GOLGA8B: variants seen among roughly 807,000 people sequenced by gnomAD.
The protein encoded by GOLGA8B is golgin subfamily A member 8B.
A neutral mutation model predicts 15.6 loss-of-function variants in GOLGA8B; 1 was observed. The observed-to-expected ratio is 0.06, with a 90% confidence interval of 0.02 to 0.30. The LOEUF is 0.30. Ranked by LOEUF, GOLGA8B falls within the 10% of genes least tolerant of loss-of-function variation. The pLI is 1.00. For missense variants in GOLGA8B, 17 were observed against 201.3 expected, an observed-to-expected ratio of 0.08 and a Z score of 5.54; for synonymous variants, 9 against 80.3, an observed-to-expected ratio of 0.11 and a Z score of 4.75.
At chr15:34,578,014 C>T (rs1022087832) in intron 1 of GOLGA8B, among the ~76,000 whole-genome samples, 28 of 152,124 alleles carry the variant, frequency 1.8e-4, no homozygotes, top group African/African-American at 6.3e-4. Context: ...CTGTCATATA[C>T]GCTATCACTC....
intron 1 of GOLGA8B, among the ~76,000 whole-genome samples, chr15:34,578,637 G>C (rs1889146047): frequency 6.6e-6 from 1 of 152,200 alleles, no homozygotes; most frequent in South Asian, 2.1e-4. Flanking sequence ...TTCTGGATTT[G>C]TAGGGAAATT....
intron 1 of GOLGA8B, among the ~76,000 whole-genome samples, chr15:34,574,303 C>CTT (rs112808701): frequency 3.5e-5 from 5 of 144,442 alleles, no homozygotes; most frequent in Admixed American, 6.9e-5. Context: ...TCAAATCAGA[C>CTT]TTTTTTTTTT....
chr15:34,575,766 C>T (rs1889058694), intron 1 of GOLGA8B, among the ~76,000 whole-genome samples: 1 of 152,080 alleles, frequency 6.6e-6, no homozygotes, highest in African/African-American at 2.4e-5. Flanking sequence ...TTGTGCCTCT[C>T]TAGGAGGGCC....
intron 1 of GOLGA8B, among the ~76,000 whole-genome samples, chr15:34,554,315 T>A (rs75092171): frequency 5.3e-5 from 8 of 152,290 alleles, no homozygotes; most frequent in Non-Finnish European, 1.2e-4. Flanking sequence ...AGGCTGCCGG[T>A]CTGCCTGTCA....
At position 34,573,453 on chromosome 15, in the gene GOLGA8B, C is replaced by T. The variant is rs540788481; in HGVS notation, c.-1123+10063G>A. Among the ~76,000 whole-genome samples, 476 of 144,932 alleles carry T rather than the reference C, an allele frequency of 3.3e-3. 2 individuals carry two copies. The highest frequency in any genetic ancestry group is 5.5e-3 in the Non-Finnish European group (371 of 67,036). ...TCGGGAGGCTGAGGAAGGAGAATGGCGTGAACCCAGGAGGTGGAGCTTACA... is the reference window on the plus strand; with the variant it reads ...TCGGGAGGCTGAGGAAGGAGAATGGTGTGAACCCAGGAGGTGGAGCTTACA... On this transcript the variant is annotated intron_variant, in intron 1 of 23. Transcript: ENST00000683415.
chr15:34,564,355 T>TTAA (rs530527773), intron 1 of GOLGA8B, among the ~76,000 whole-genome samples: 1,401 of 105,472 alleles, frequency 0.013, 14 homozygotes, highest in Middle Eastern at 0.023. Context: ...TGTAGATTCT[T>TTAA]AAAAAAAAAA....
At chr15:34,583,279 GC>G (rs1889298202) in intron 1 of GOLGA8B, among the ~76,000 whole-genome samples, 1 of 151,960 alleles carries the variant, frequency 6.6e-6, no homozygotes, top group Non-Finnish European at 1.5e-5. Context: ...CGCCGCACCC[GC>G]CCGCCTGTCG....
At position 34,571,612 on chromosome 15, in the gene GOLGA8B, G is replaced by C. The variant is rs2433264; in HGVS notation, c.-1123+11904C>G. Among the ~76,000 whole-genome samples, 1,017 of 118,082 alleles carry C rather than the reference G, an allele frequency of 8.6e-3. 11 individuals carry two copies. The highest frequency in any genetic ancestry group is 0.023 in the African/African-American group (808 of 34,580). 77.5% of individuals were successfully genotyped at this position (118,082 alleles called of 152,430 possible). ...CTGACTAGGAAATTAGGTTGGAATCGTATAAAAAAAAAAAAAACTACATCC... is the reference window on the plus strand; with the variant it reads ...CTGACTAGGAAATTAGGTTGGAATCCTATAAAAAAAAAAAAAACTACATCC... On this transcript the variant is annotated intron_variant, in intron 1 of 23. Coordinates refer to ENST00000683415, the MANE Select transcript of GOLGA8B (RefSeq NM_001023567.5).
At chr15:34,576,812 T>C (rs552547347) in intron 1 of GOLGA8B, among the ~76,000 whole-genome samples, 25 of 152,254 alleles carry the variant, frequency 1.6e-4, no homozygotes, top group African/African-American at 5.5e-4. Context: ...CCAGCCAGAA[T>C]CAGTTAGAGG....
chr15:34,569,330 C>T (rs575863210), intron 1 of GOLGA8B, among the ~76,000 whole-genome samples: 2 of 151,168 alleles, frequency 1.3e-5, no homozygotes, highest in African/African-American at 2.4e-5. Flanking sequence ...CTTGGACCCA[C>T]GCCTCCCGGT....
At chr15:34,567,493 G>A (rs1386047007) in intron 1 of GOLGA8B, among the ~76,000 whole-genome samples, 1 of 151,724 alleles carries the variant, frequency 6.6e-6, no homozygotes. Flanking sequence ...TCCATTAAAC[G>A]AGAAGAAAAT....
intron 1 of GOLGA8B, among the ~76,000 whole-genome samples, chr15:34,573,648 T>C (rs1423882290): frequency 6.6e-6 from 1 of 151,908 alleles, no homozygotes; most frequent in African/African-American, 2.4e-5. Flanking sequence ...TAAAGTCCAA[T>C]TGTGGGGAAT....
intron 7 of GOLGA8B, among the ~76,000 whole-genome samples, chr15:34,543,124 T>C (rs1361275902): frequency 3.9e-5 from 4 of 102,888 alleles, no homozygotes; most frequent in Non-Finnish European, 7.8e-5. Flanking sequence ...TAATCCTTTC[T>C]TCTGGTGTCT....
intron 1 of GOLGA8B, chr15:34,566,434 G>A (rs1233251007): frequency 6.9e-6 from 1 of 143,994 alleles, no homozygotes; most frequent in Non-Finnish European, 1.6e-5. Context: ...CTCACCAGCC[G>A]ATTCTCCCAG....
Position 34,526,194 on chromosome 15 carries a change from A to G in GOLGA8B, c.*1438T>C, listed in dbSNP as rs927305764. The stretch of plus-strand genomic sequence containing the variant: ...AATACAACTCTGCGATCGTATAGAC[A>G]TGTTTCCTGATAATACATTGACATT... On this transcript the variant is annotated 3_prime_UTR_variant, in exon 24 of 24. Coordinates refer to ENST00000683415, the MANE Select transcript of GOLGA8B (RefSeq NM_001023567.5). 1 of 149,988 alleles carries G rather than the reference A, an allele frequency of 6.7e-6. No individual in the cohort carries two copies. Among genetic ancestry groups the G allele is most frequent in the African/African-American group, 2.5e-5 (1 of 40,582 alleles). The allele number at this position is 149,988 out of a possible 1,614,324, so 9.3% of individuals were successfully genotyped here. A position where few individuals can be genotyped will look rare whatever the true frequency, so the allele number is the denominator to read the frequency against.
intron 1 of GOLGA8B, among the ~76,000 whole-genome samples, chr15:34,575,997 G>A (rs191998552): frequency 4.2e-4 from 64 of 152,330 alleles, no homozygotes; most frequent in Admixed American, 1.0e-3. Context: ...ACCTGCTCCC[G>A]GTTGTACCAC....
chr15:34,543,539 T>C (rs2071936984), intron 7 of GOLGA8B, among the ~76,000 whole-genome samples: 1 of 104,782 alleles, frequency 9.5e-6, no homozygotes, highest in African/African-American at 4.4e-5. Flanking sequence ...TTCTATTTCA[T>C]CCATTTTCCT....
chr15:34,551,534 CATTT>C (rs1229202461), intron 3 of GOLGA8B, among the ~76,000 whole-genome samples: 9 of 56,296 alleles, frequency 1.6e-4, no homozygotes, highest in Admixed American at 1.2e-3. Context: ...AATAAGCCAT[CATTT>C]ATTTATTTAC....
At chr15:34,549,830 CTATAAAG>C (rs1280249717) in intron 4 of GOLGA8B, among the ~76,000 whole-genome samples, 4 of 99,544 alleles carry the variant, frequency 4.0e-5, no homozygotes, top group African/African-American at 1.6e-4. Context: ...ATGAGCGCAT[CTATAAAG>C]TATAAAGTAC....
Sources: gnomAD v4.1 joint callset for allele counts (sites outside exome capture counted in the v4.1 genomes callset) on GRCh38, gnomAD v4.1.1 for gene constraint, MANE v1.5 for transcripts, NCBI Gene and HGNC (gene_info 2026-07-23, HGNC 2026-07-21) for gene names.